HS3ST4: variants seen among roughly 807,000 people sequenced by gnomAD.
HS3ST4 encodes heparan sulfate glucosamine 3-O-sulfotransferase 4.
HS3ST4 carries 17 observed loss-of-function variants against 29.2 expected under a neutral mutation model. The observed-to-expected ratio is 0.58, with a 90% CI of 0.40 to 0.87. HS3ST4 has a LOEUF of 0.87. HS3ST4 is among the 40% of genes least tolerant of loss of function. The probability of loss-of-function intolerance (pLI) is 0.00; values close to 1 mark genes in which losing one functional copy is unlikely to be tolerated. For missense variants in HS3ST4, 627 were observed against 634.5 expected (o/e 0.99, Z 0.13); for synonymous variants, 314 against 285.7 (o/e 1.10, Z -1.00).
At chr16:25,903,907 C>T (rs575431250) in intron 1 of HS3ST4, among the ~76,000 whole-genome samples, 23 of 152,214 alleles carry the variant, frequency 1.5e-4, no homozygotes, top group Non-Finnish European at 2.5e-4. Context: ...CCAAACTTGA[C>T]GTATTTCCAG....
chr16:25,692,729 C>A lies in HS3ST4; in HGVS notation c.312C>A (p.Asp104Glu). 1 of 1,272,570 alleles carries A rather than the reference C, an allele frequency of 7.9e-7. No individual in the cohort carries two copies. The allele number at this position is 1,272,570 out of a possible 1,614,324, so 78.8% of individuals were successfully genotyped here. A position where few individuals can be genotyped will look rare whatever the true frequency, so the allele number is the denominator to read the frequency against. ...PSQPPAPPPL[D>E]NASHGEPPEP... ...AGCCGCCCGCGCCGCCGCCGCTGGA[C>A]AACGCGAGCCACGGGGAGCCGCCCG... Residue 104 changes from aspartate (D) to glutamate (E), a missense_variant, in exon 1 of 2, where the codon GAC becomes GAA. This residue lies in a region of HS3ST4 where 402 missense variants were observed against 340.8 expected (regional missense o/e 1.18). Transcript: ENST00000331351.
At chr16:25,730,710 G>GTCCT (rs960872601) in intron 1 of HS3ST4, among the ~76,000 whole-genome samples, 4 of 112,512 alleles carry the variant, frequency 3.6e-5, no homozygotes, top group Non-Finnish European at 7.2e-5. Flanking sequence ...CCTTCCTTCC[G>GTCCT]TCCTTCCTTC....
intron 1 of HS3ST4, among the ~76,000 whole-genome samples, chr16:25,702,017 A>G (rs1179999548): frequency 1.3e-5 from 2 of 152,248 alleles, no homozygotes; most frequent in African/African-American, 4.8e-5. Context: ...GGTCATACCT[A>G]AAGCCAGCAT....
chr16:25,718,575 A>G lies in HS3ST4; in HGVS notation c.734+25424A>G, dbSNP rs557568323. Among the ~76,000 whole-genome samples the G allele has an allele frequency of 9.4e-4, 143 of 152,252 alleles. 5 individuals carry two copies. Among genetic ancestry groups the G allele is most frequent in the South Asian group, 6.2e-4 (3 of 4,802 alleles). ...ATTCCTAAATCCAGGCATGCTCAAG[A>G]CTAACTCTATCCAAGAAATTTCTAG... is the stretch of plus-strand genomic sequence containing the variant. On this transcript the variant is annotated intron_variant, in intron 1 of 1. Transcript: ENST00000331351.
At chr16:25,942,946 C>T (rs1968587112) in intron 1 of HS3ST4, among the ~76,000 whole-genome samples, 2 of 152,066 alleles carry the variant, frequency 1.3e-5, no homozygotes, top group South Asian at 2.1e-4. Context: ...TTAAAATAAA[C>T]TCTGTAGTAC....
intron 1 of HS3ST4, among the ~76,000 whole-genome samples, chr16:25,703,349 G>C (rs1966349894): frequency 6.6e-6 from 1 of 152,176 alleles, no homozygotes; most frequent in South Asian, 2.1e-4. Flanking sequence ...GGTGGTAGAT[G>C]ATATTGTATC....
At chr16:25,944,785 C>G (rs1031611930) in intron 1 of HS3ST4, among the ~76,000 whole-genome samples, 2 of 152,090 alleles carry the variant, frequency 1.3e-5, no homozygotes, top group African/African-American at 4.8e-5. Context: ...TAGCACAGGG[C>G]TAGGAATGGG....
At chr16:26,016,962 T>C (rs929382213) in intron 1 of HS3ST4, among the ~76,000 whole-genome samples, 5 of 152,206 alleles carry the variant, frequency 3.3e-5, no homozygotes, top group African/African-American at 1.2e-4. Flanking sequence ...CTATTTATTA[T>C]TCAGCCACAG....
At chr16:25,954,323 T>A (rs1968707928) in intron 1 of HS3ST4, among the ~76,000 whole-genome samples, 2 of 152,244 alleles carry the variant, frequency 1.3e-5, no homozygotes, top group African/African-American at 4.8e-5. Context: ...AGCTTGAATC[T>A]GCTTACCTGT....
At chr16:25,898,703 T>G (rs1968094243) in intron 1 of HS3ST4, among the ~76,000 whole-genome samples, 1 of 152,202 alleles carries the variant, frequency 6.6e-6, no homozygotes, top group African/African-American at 2.4e-5. Flanking sequence ...CCAAACAGTG[T>G]TATTAAATCC....
chr16:25,807,072 A>G (rs1424943059), intron 1 of HS3ST4, among the ~76,000 whole-genome samples: 2 of 152,162 alleles, frequency 1.3e-5, no homozygotes, highest in East Asian at 3.9e-4. Context: ...TCCCAGGTAC[A>G]AGCAATTCTC....
intron 1 of HS3ST4, among the ~76,000 whole-genome samples, chr16:25,952,103 T>C (rs539786779): frequency 6.6e-6 from 1 of 152,308 alleles, no homozygotes; most frequent in Non-Finnish European, 1.5e-5. Flanking sequence ...GCCCAACTGT[T>C]TATGTAGTGT....
intron 1 of HS3ST4, among the ~76,000 whole-genome samples, chr16:25,813,546 G>A (rs1223989433): frequency 2.6e-5 from 4 of 152,156 alleles, no homozygotes; most frequent in South Asian, 2.1e-4. Context: ...GTGGTGAGCC[G>A]AGATCACGCC....
intron 1 of HS3ST4, among the ~76,000 whole-genome samples, chr16:25,813,408 T>G (rs898784342): frequency 6.6e-6 from 1 of 151,868 alleles, no homozygotes; most frequent in Non-Finnish European, 1.5e-5. Flanking sequence ...GCGGATCACT[T>G]GAGGCATGGA....
intron 1 of HS3ST4, among the ~76,000 whole-genome samples, chr16:26,077,372 A>G (rs1198021930): frequency 1.3e-5 from 2 of 152,250 alleles, no homozygotes; most frequent in Non-Finnish European, 2.9e-5. Context: ...AGGAACAGCC[A>G]CATCATGTTG....
intron 1 of HS3ST4, among the ~76,000 whole-genome samples, chr16:25,894,748 C>G (rs1968042998): frequency 6.6e-6 from 1 of 152,070 alleles, no homozygotes; most frequent in African/African-American, 2.4e-5. Flanking sequence ...TCAGGTGATC[C>G]ACCTGCCTCC....
At position 26,136,328 on chromosome 16, in the gene HS3ST4, G is replaced by T; in HGVS notation, c.*80G>T. ...GTCCTTGAATACCCCAGCTTCTGCA[G>T]CTTCACTTGCTGGAGTGCCAAGTAG... On this transcript the variant is annotated 3_prime_UTR_variant, in exon 2 of 2. Transcript: ENST00000331351. 2 of 1,319,766 alleles carry T rather than the reference G, an allele frequency of 1.5e-6. No homozygotes were observed. The highest frequency in any genetic ancestry group is 1.5e-5 in the South Asian group (1 of 67,080). The allele number at this position is 1,319,766 out of a possible 1,614,324, so 81.8% of individuals were successfully genotyped here.
intron 1 of HS3ST4, among the ~76,000 whole-genome samples, chr16:26,124,070 G>A (rs1329272279): frequency 1.3e-5 from 2 of 152,054 alleles, no homozygotes; most frequent in Non-Finnish European, 2.9e-5. Context: ...ACAGGCAGGT[G>A]CCACCACACC....
rs1047119039 is a variant in HS3ST4, at chr16:25,887,212, G to A, written c.734+194061G>A. On this transcript the variant is annotated intron_variant, in intron 1 of 1. Coordinates refer to ENST00000331351, the MANE Select transcript of HS3ST4 (RefSeq NM_006040.3). ...TGATGGGGAATTTGAGGAAGTTTCC[G>A]TTCTTTAGGCAGAAGCGGACACTGA... Among the ~76,000 whole-genome samples, 10 of 152,112 alleles carry A rather than the reference G, an allele frequency of 6.6e-5. 1 individual carries two copies. The highest frequency in any genetic ancestry group is 2.6e-4 in the Admixed American group (4 of 15,256).
Sources: gnomAD v4.1 joint callset for allele counts (sites outside exome capture counted in the v4.1 genomes callset) on GRCh38, gnomAD v4.1.1 for gene constraint, gnomAD v4.1.1 regional missense constraint, MANE v1.5 for transcripts, NCBI Gene and HGNC (gene_info 2026-07-23, HGNC 2026-07-21) for gene names.